Variants in DIP2A observed in about 807,000 individuals in gnomAD.
DIP2A encodes the protein DIP2 acetate--CoA ligase A, also known as disco-interacting protein 2 homolog A.
A neutral mutation model predicts 177.4 loss-of-function variants in DIP2A; 85 were observed. The ratio of observed to expected loss-of-function variants is 0.48; its 90% confidence interval spans 0.40 to 0.57. The LOEUF is 0.57. Among genes scored for constraint, DIP2A ranks in the 20% least tolerant of loss-of-function variants. The probability of loss-of-function intolerance (pLI) is 0.00; values close to 1 mark genes in which losing one functional copy is unlikely to be tolerated. For synonymous variants in DIP2A, 886 were observed against 881.8 expected (o/e 1.00, Z -0.08); for missense variants, 1,791 against 2,100.2 (o/e 0.85, Z 2.88).
intron 16 of DIP2A, 110 bp downstream of exon 16, chr21:46,538,712 A>G (rs2059676087): frequency 7.1e-7 from 1 of 1,405,244 alleles, no homozygotes; most frequent in African/African-American, 1.4e-5. Context: ...CCATTGTCAT[A>G]TAGATACACA....
At chr21:46,516,539 T>C (rs1246301629) in intron 8 of DIP2A, among the ~76,000 whole-genome samples, 1 of 143,714 alleles carries the variant, frequency 7.0e-6, no homozygotes, top group African/African-American at 2.6e-5. Context: ...TCGCCCAGGC[T>C]GGAGTGCAAG....
chr21:46,481,830 C>A (rs908945830), intron 1 of DIP2A, among the ~76,000 whole-genome samples: 2 of 152,176 alleles, frequency 1.3e-5, no homozygotes, highest in Non-Finnish European at 2.9e-5. Context: ...ACGGGTGGAT[C>A]ACTTGAGGTC....
Position 46,566,417 on chromosome 21 carries a change from T to A in DIP2A, c.4340-143T>A, listed in dbSNP as rs2060839684. ...CTCTGCCAGGACCTCCATCACCCTTTCTGCACGTGGTGTGCGACCTCATGA... is the reference window on the plus strand; with the variant it reads ...CTCTGCCAGGACCTCCATCACCCTTACTGCACGTGGTGTGCGACCTCATGA... On this transcript the variant is annotated intron_variant, in intron 36 of 37. Coordinates refer to ENST00000417564, the MANE Select transcript of DIP2A (RefSeq NM_015151.4). The A allele has an allele frequency of 2.7e-6, 3 of 1,109,282 alleles. No homozygotes were observed. In the African/African-American group the frequency reaches 4.7e-5, roughly 17 times the overall value. 68.7% of individuals were successfully genotyped at this position (1,109,282 alleles called of 1,614,324 possible). A position where few individuals can be genotyped will look rare whatever the true frequency, so the allele number is the denominator to read the frequency against.
chr21:46,511,996 TCA>T (rs1406356178), intron 8 of DIP2A, among the ~76,000 whole-genome samples: 4 of 152,224 alleles, frequency 2.6e-5, no homozygotes, highest in Non-Finnish European at 5.9e-5. Context: ...CCTGATGAAT[TCA>T]CAGAGTGAAT....
At position 46,458,997 on chromosome 21, in the gene DIP2A, G is replaced by C. The variant is rs1458247926; in HGVS notation, c.-135G>C. The C allele has an allele frequency of 5.6e-6, 4 of 715,316 alleles. No homozygotes were observed. The highest frequency in any genetic ancestry group is 8.2e-6 in the Non-Finnish European group (4 of 487,970). 44.3% of individuals were successfully genotyped at this position (715,316 alleles called of 1,614,324 possible). A position where few individuals can be genotyped will look rare whatever the true frequency, so the allele number is the denominator to read the frequency against. On this transcript the variant is annotated 5_prime_UTR_variant, in exon 1 of 38. Coordinates refer to ENST00000417564, the MANE Select transcript of DIP2A (RefSeq NM_015151.4). ...GCGTTGCTGTCCTGGCCGCGCCCCT[G>C]TCCCGCCGCCTCCCGCTCCTCGCCT...
At chr21:46,490,859 A>G (rs2056974436) in intron 3 of DIP2A, 140 bp downstream of exon 3, 1 of 1,124,088 alleles carries the variant, frequency 8.9e-7, no homozygotes, top group Non-Finnish European at 1.2e-6. Flanking sequence ...AATGTACATC[A>G]TCATATTTTT....
chr21:46,539,706 C>T (rs2059726345), intron 16 of DIP2A, 171 bp from the exon 17 acceptor site: 7 of 658,448 alleles, frequency 1.1e-5, no homozygotes, highest in Non-Finnish European at 1.7e-5. Context: ...ATACCATCTT[C>T]CTTGAAGAAC....
chr21:46,546,974 A>G lies in DIP2A; in HGVS notation c.2454A>G (p.Arg818=). ...GGCTGATGGTCACTGGAGTTCGCAG[A>G]CACAATGCAGATGACGTTGTGGCCA... ...LDGLMVTGVR[R]HNADDVVATA... is the part of the protein sequence containing the mutation. Residue 818 remains arginine (R), a synonymous_variant, in exon 21 of 38, where the codon AGA becomes AGG. Transcript: ENST00000417564. The G allele has an allele frequency of 6.2e-7, 1 of 1,613,988 alleles. No homozygotes were observed.
At chr21:46,464,388 C>T (rs576378774) in intron 1 of DIP2A, among the ~76,000 whole-genome samples, 1 of 151,976 alleles carries the variant, frequency 6.6e-6, no homozygotes, top group African/African-American at 2.4e-5. Context: ...AGCGAAACTT[C>T]GTCTCAAAAA....
chr21:46,537,555 G>T lies in DIP2A; in HGVS notation c.1801+16G>T. On this transcript the variant is annotated intron_variant, in intron 15 of 37. Coordinates refer to ENST00000417564, the MANE Select transcript of DIP2A (RefSeq NM_015151.4). The surrounding 1 kb of genome is among the most constrained non-coding windows in gnomAD (Gnocchi z 4.1). ...TTCTATAAAGGTAACGGATACCATG[G>T]TCAGGGCCTTCACCCTTCTTTAGGG... is the stretch of plus-strand genomic sequence containing the variant. The T allele has an allele frequency of 6.2e-7, 1 of 1,611,956 alleles. No individual in the cohort carries two copies. Among genetic ancestry groups the T allele is most frequent in the South Asian group, 1.1e-5 (1 of 90,982 alleles).
the DIP2A span, among the ~76,000 whole-genome samples, chr21:46,578,350 C>T: frequency 6.6e-6 from 1 of 152,058 alleles, no homozygotes; most frequent in South Asian, 2.1e-4. Flanking sequence ...CAAAAAAAAC[C>T]TTTTGGGCTG....
Position 46,496,330 on chromosome 21 carries a change from A to G in DIP2A, c.284-658A>G, listed in dbSNP as rs562764318. Among the ~76,000 whole-genome samples the G allele has an allele frequency of 1.2e-4, 19 of 152,298 alleles. No individual in the cohort carries two copies. The Middle Eastern group carries it at 0.01, about 82-fold the overall frequency. On this transcript the variant is annotated intron_variant, in intron 3 of 37. Transcript: ENST00000417564. ...GGACTCACGAAGAATCTATATGACAATGCCTTCACTGCTATCAACAATATG... is the reference window on the plus strand; with the variant it reads ...GGACTCACGAAGAATCTATATGACAGTGCCTTCACTGCTATCAACAATATG...
At chr21:46,476,448 G>A (rs948667388) in intron 1 of DIP2A, among the ~76,000 whole-genome samples, 1 of 152,066 alleles carries the variant, frequency 6.6e-6, no homozygotes, top group Non-Finnish European at 1.5e-5. Flanking sequence ...AAGAGTGCCC[G>A]AGGAAGGCGC....
chr21:46,549,552 C>T (rs552261639), intron 21 of DIP2A, among the ~76,000 whole-genome samples: 2 of 152,184 alleles, frequency 1.3e-5, no homozygotes, highest in African/African-American at 4.8e-5. Flanking sequence ...TTTGCTTTGT[C>T]CTGAAGTCCT....
chr21:46,522,822 C>T (rs2058881974), intron 8 of DIP2A, among the ~76,000 whole-genome samples: 1 of 152,148 alleles, frequency 6.6e-6, no homozygotes, highest in Non-Finnish European at 1.5e-5. Context: ...GGGTCTGTGG[C>T]TCCTCCTCTG....
chr21:46,479,539 A>AT (rs920724272), intron 1 of DIP2A, among the ~76,000 whole-genome samples: 2 of 151,242 alleles, frequency 1.3e-5, no homozygotes, highest in African/African-American at 4.9e-5. Context: ...TAATTTGCTT[A>AT]TTTTTTTTTA....
Position 46,504,498 on chromosome 21 carries a change from G to A in DIP2A, c.784+9G>A. On this transcript the variant is annotated intron_variant, in intron 6 of 37. Transcript: ENST00000417564. ...GCTGGAAACAGCAGATGGTGAGCCT[G>A]CCTCTCTTTCTCCTCGTGAAATAGC... 1 of 1,598,014 alleles carries A rather than the reference G, an allele frequency of 6.3e-7. No individual in the cohort carries two copies. The highest frequency in any genetic ancestry group is 2.2e-5 in the East Asian group (1 of 44,682).
chr21:46,540,819 G>A (rs1488943879), intron 17 of DIP2A, among the ~76,000 whole-genome samples: 1 of 152,010 alleles, frequency 6.6e-6, no homozygotes, highest in Admixed American at 6.5e-5. Context: ...TTCGAGACCG[G>A]CCTGGCCAAC....
rs2148898038 is a variant in DIP2A at position 46,558,392 on chromosome 21, A to T, written c.3968A>T (p.Gln1323Leu). ...GCRVNVAICL[Q>L]GTAGPDPTTV... ...AGGGTCAACGTGGCCATCTGCCTCC[A>T]GGTGAGGTGCCTGGGGCTGCGGTTC... The change falls in exon 32 of 38, where the codon CAG becomes CTG. Residue 1323 changes from glutamine to leucine, a missense_variant and splice_region_variant. By Grantham distance (113) the Gln-to-Leu change is moderately radical. Coordinates refer to ENST00000417564, the MANE Select transcript of DIP2A (RefSeq NM_015151.4). The T allele has an allele frequency of 6.6e-7, 1 of 1,504,106 alleles. No homozygotes were observed. The highest frequency in any genetic ancestry group is 8.8e-7 in the Non-Finnish European group (1 of 1,136,748). 93.2% of individuals were successfully genotyped at this position (1,504,106 alleles called of 1,614,324 possible). A position where few individuals can be genotyped will look rare whatever the true frequency, so the allele number is the denominator to read the frequency against.
Sources: allele counts gnomAD v4.1 joint callset (sites outside exome capture counted in the v4.1 genomes callset), GRCh38; gene constraint gnomAD v4.1.1; non-coding constraint Gnocchi (gnomAD v3.1); transcripts MANE v1.5; gene names NCBI Gene and HGNC (gene_info 2026-07-23, HGNC 2026-07-21).